FOXO3: variants seen among roughly 807,000 people sequenced by gnomAD.
FOXO3 encodes the protein forkhead box O3, also known as forkhead box protein O3.
FOXO3 carries 4 observed loss-of-function variants against 41.9 expected under a neutral mutation model. The ratio of observed to expected loss-of-function variants is 0.10; its 90% CI spans 0.05 to 0.22. The LOEUF (loss-of-function observed/expected upper bound fraction) is 0.22, where lower values mean the gene tolerates loss of function less well. Among genes scored for constraint, FOXO3 ranks in the 10% least tolerant of loss-of-function variants. The pLI is 1.00. For missense variants in FOXO3, 534 were observed against 906.8 expected, an observed-to-expected ratio of 0.59 and a Z score of 5.28; for synonymous variants, 318 against 389.3, an observed-to-expected ratio of 0.82 and a Z score of 2.16.
intron 1 of FOXO3, among the ~76,000 whole-genome samples, chr6:108,566,069 A>G (rs771130314): frequency 6.6e-6 from 1 of 152,072 alleles, no homozygotes; most frequent in East Asian, 1.9e-4. Flanking sequence ...CTCAACTAAT[A>G]TACTTCCTCT....
At chr6:108,611,949 CT>C (rs1469195818) in intron 1 of FOXO3, among the ~76,000 whole-genome samples, 1 of 152,096 alleles carries the variant, frequency 6.6e-6, no homozygotes, top group Non-Finnish European at 1.5e-5. Context: ...ATTGAACTTC[CT>C]TGACACCTTC....
At chr6:108,611,670 G>A (rs1384690932) in intron 1 of FOXO3, among the ~76,000 whole-genome samples, 3 of 147,916 alleles carry the variant, frequency 2.0e-5, no homozygotes, top group Non-Finnish European at 3.0e-5. Context: ...ATCTTCTTTG[G>A]TGACGTGTCT....
chr6:108,657,323 C>T (rs900239803), intron 1 of FOXO3, among the ~76,000 whole-genome samples: 3 of 152,180 alleles, frequency 2.0e-5, no homozygotes, highest in Non-Finnish European at 4.4e-5. Flanking sequence ...CTTGTAATTT[C>T]ATCAAAATCT....
At chr6:108,587,872 C>T (rs1198094514) in intron 1 of FOXO3, among the ~76,000 whole-genome samples, 1 of 152,162 alleles carries the variant, frequency 6.6e-6, no homozygotes, top group Non-Finnish European at 1.5e-5. Flanking sequence ...TTATAGAAAA[C>T]TTAAGGATTC....
chr6:108,661,849 TTTTTA>T (rs1778875921), intron 1 of FOXO3, among the ~76,000 whole-genome samples: 1 of 152,182 alleles, frequency 6.6e-6, no homozygotes, highest in African/African-American at 2.4e-5. Context: ...TTTGCCCTAC[TTTTTA>T]AGTAAATATT....
intron 1 of FOXO3, among the ~76,000 whole-genome samples, chr6:108,631,294 T>G (rs1202346195): frequency 1.3e-5 from 2 of 152,224 alleles, no homozygotes; most frequent in Admixed American, 6.5e-5. Flanking sequence ...GGTGATGATC[T>G]GGACCAGCAT....
chr6:108,561,167 G>C lies in FOXO3; in HGVS notation c.-42G>C. On this transcript the variant is annotated 5_prime_UTR_variant, in exon 1 of 3. Coordinates refer to ENST00000406360, the MANE Select transcript of FOXO3 (RefSeq NM_001455.4). ...GCTGCACCCCGCCCCGGCGCGAGAG[G>C]AGAGCGCGAGAGCCCCAGCCGCGGG... is the stretch of plus-strand genomic sequence containing the variant. 1 of 1,513,074 alleles carries C rather than the reference G, an allele frequency of 6.6e-7. No individual in the cohort carries two copies. The highest frequency in any genetic ancestry group is 8.8e-7 in the Non-Finnish European group (1 of 1,134,258). The allele number at this position is 1,513,074 out of a possible 1,614,324, so 93.7% of individuals were successfully genotyped here.
At chr6:108,656,607 C>G (rs1778696239) in intron 1 of FOXO3, 2 of 628,996 alleles carry the variant, frequency 3.2e-6, no homozygotes, top group African/African-American at 2.0e-5. Flanking sequence ...TGCTTTTGTA[C>G]TTGGCACTTC....
At chr6:108,613,528 T>A (rs1251421053) in intron 1 of FOXO3, among the ~76,000 whole-genome samples, 3 of 152,236 alleles carry the variant, frequency 2.0e-5, no homozygotes, top group Admixed American at 6.5e-5. Flanking sequence ...AAGTCATTTA[T>A]AATGTTCTCT....
chr6:108,605,392 C>T (rs999072651), intron 1 of FOXO3, among the ~76,000 whole-genome samples: 2 of 152,136 alleles, frequency 1.3e-5, no homozygotes, highest in African/African-American at 4.8e-5. Flanking sequence ...GCTGGGATTA[C>T]AGGTGTGAGC....
At chr6:108,625,462 C>T (rs1265936430) in intron 1 of FOXO3, among the ~76,000 whole-genome samples, 1 of 152,180 alleles carries the variant, frequency 6.6e-6, no homozygotes, top group Non-Finnish European at 1.5e-5. Context: ...GTTAAAGGTG[C>T]ATTCACATAT....
At position 108,664,087 on chromosome 6, in the gene FOXO3, C is replaced by T. The variant is rs1357238775; in HGVS notation, c.1254C>T (p.Thr418=). The change falls in exon 2 of 3, where the codon ACC becomes ACT. Residue 418 remains threonine, a synonymous_variant. Coordinates refer to ENST00000406360, the MANE Select transcript of FOXO3 (RefSeq NM_001455.4). ...GGAGCTCTAGCTTCCCGTATACCACCAAGGGCTCGGGCCTGGGCTCCCCAA... is the reference window on the plus strand; with the variant it reads ...GGAGCTCTAGCTTCCCGTATACCACTAAGGGCTCGGGCCTGGGCTCCCCAA... ...MQRSSSFPYT[T]KGSGLGSPTS... is the part of the protein sequence containing the mutation. The T allele has an allele frequency of 6.2e-7, 1 of 1,614,070 alleles. No individual in the cohort carries two copies. Among genetic ancestry groups the T allele is most frequent in the Middle Eastern group, 1.6e-4 (1 of 6,084 alleles).
At chr6:108,652,193 A>G (rs1309848096) in intron 1 of FOXO3, among the ~76,000 whole-genome samples, 3 of 152,218 alleles carry the variant, frequency 2.0e-5, no homozygotes, top group African/African-American at 7.2e-5. Flanking sequence ...AAGCCTGGAT[A>G]TGTAGAAGTT....
chr6:108,625,328 G>T (rs555954063), intron 1 of FOXO3, among the ~76,000 whole-genome samples: 1 of 152,260 alleles, frequency 6.6e-6, no homozygotes, highest in South Asian at 2.1e-4. Context: ...CCTTAAAAGA[G>T]TGATTGAAGT....
At chr6:108,622,681 T>G (rs899609706) in intron 1 of FOXO3, among the ~76,000 whole-genome samples, 1 of 152,144 alleles carries the variant, frequency 6.6e-6, no homozygotes, top group Non-Finnish European at 1.5e-5. Context: ...GAGGAACTCT[T>G]ACTGGACGCC....
intron 1 of FOXO3, among the ~76,000 whole-genome samples, chr6:108,602,733 TTA>T (rs1156905964): frequency 6.6e-6 from 1 of 152,214 alleles, no homozygotes; most frequent in Non-Finnish European, 1.5e-5. Context: ...TAAAGGCCGA[TTA>T]ATATAAGCAA....
intron 1 of FOXO3, among the ~76,000 whole-genome samples, chr6:108,647,586 G>A (rs1364768888): frequency 6.6e-6 from 1 of 152,158 alleles, no homozygotes; most frequent in Non-Finnish European, 1.5e-5. Context: ...CATTCTAATT[G>A]ATAATTATCA....
chr6:108,583,751 A>G (rs1336823906), intron 1 of FOXO3, among the ~76,000 whole-genome samples: 2 of 152,260 alleles, frequency 1.3e-5, no homozygotes, highest in Non-Finnish European at 2.9e-5. Flanking sequence ...TGCCACTTCT[A>G]GTCACTTTAA....
intron 1 of FOXO3, among the ~76,000 whole-genome samples, chr6:108,659,546 A>G (rs1778784886): frequency 6.6e-6 from 1 of 152,228 alleles, no homozygotes; most frequent in Non-Finnish European, 1.5e-5. Context: ...GGGCACTGAC[A>G]TACTAATTCT....
Sources: gnomAD v4.1 joint callset for allele counts (sites outside exome capture counted in the v4.1 genomes callset) on GRCh38, gnomAD v4.1.1 for gene constraint, MANE v1.5 for transcripts, NCBI Gene and HGNC (gene_info 2026-07-23, HGNC 2026-07-21) for gene names.